Variants in RSPH1 observed in about 807,000 individuals in gnomAD.
RSPH1 encodes the protein radial spoke head component 1, also known as radial spoke head 1 homolog.
A neutral mutation model predicts 44.2 loss-of-function variants in RSPH1; 32 were observed. The ratio of observed to expected loss-of-function variants is 0.72; its 90% confidence interval spans 0.55 to 0.97. RSPH1 has a LOEUF of 0.97. Ranked by LOEUF, RSPH1 falls within the 50% of genes least tolerant of loss-of-function variation. The probability of loss-of-function intolerance (pLI) is 0.00; values close to 1 mark genes in which losing one functional copy is unlikely to be tolerated. For synonymous variants in RSPH1, 134 were observed against 147.3 expected (o/e 0.91, Z 0.65); for missense variants, 391 against 398.7 (o/e 0.98, Z 0.16).
chr21:42,477,428 T>A lies in RSPH1; in HGVS notation c.590A>T (p.Glu197Val). Residue 197 changes from glutamate to valine, a missense_variant, in exon 7 of 9, where the codon GAA (glutamate) becomes GTA (valine). Transcript: ENST00000291536. ...AACAGTTACTAATTCTTCCTCCTCT[T>A]CCTCTTCTCCTCTTTCCTATTTTAA... ...RLTDMERGEE[E>V]EEEELVTVVP... is the part of the protein sequence containing the mutation. The A allele has an allele frequency of 1.2e-6, 2 of 1,614,010 alleles. No homozygotes were observed. Among genetic ancestry groups the A allele is most frequent in the Non-Finnish European group, 8.5e-7 (1 of 1,179,882 alleles).
rs373199366 is a variant in RSPH1, at chr21:42,475,867, C to T, written c.877+31G>A. On this transcript the variant is annotated intron_variant, in intron 8 of 8. Transcript: ENST00000291536. ...TGTTCGTGGCCCCTAAGTGCGGGCCCTCGCCCCACTTCCCTGCGCAGGGAC... is the reference window on the plus strand; with the variant it reads ...TGTTCGTGGCCCCTAAGTGCGGGCCTTCGCCCCACTTCCCTGCGCAGGGAC... 6 of 1,606,334 alleles carry T rather than the reference C, an allele frequency of 3.7e-6. No individual in the cohort carries two copies. In the African/African-American group the frequency reaches 4.1e-5, roughly 11 times the overall value.
chr21:42,475,931 C>T lies in RSPH1; in HGVS notation c.844G>A (p.Asp282Asn), dbSNP rs1481547034. 9 of 1,611,730 alleles carry T rather than the reference C, an allele frequency of 5.6e-6. No individual in the cohort carries two copies. Among genetic ancestry groups the T allele is most frequent in the Non-Finnish European group, 7.6e-6 (9 of 1,179,586 alleles). ...DVLREESREY[D>N]QEEFRYDMDE... is the part of the protein sequence containing the mutation. ...ATGTCATAGCGGAACTCCTCCTGGTCATACTCCCGGCTCTCTTCCCGGAGG... is the reference window on the plus strand; with the variant it reads ...ATGTCATAGCGGAACTCCTCCTGGTTATACTCCCGGCTCTCTTCCCGGAGG... Residue 282 changes from aspartate to asparagine, a missense_variant, in exon 8 of 9, where the codon GAC becomes AAC. Transcript: ENST00000291536.
rs2839531 is a variant in RSPH1 at position 42,472,531 on chromosome 21, T to C, written c.*287A>G. ...AAAGACGTTTATTTGCATTTGTCAATCAACTTAACATACAGCTGAGAAAGA... is the reference window on the plus strand; with the variant it reads ...AAAGACGTTTATTTGCATTTGTCAACCAACTTAACATACAGCTGAGAAAGA... On this transcript the variant is annotated 3_prime_UTR_variant, in exon 9 of 9. Transcript: ENST00000291536. 225,938 of 249,842 alleles carry C rather than the reference T, an allele frequency of 0.9. 102,735 individuals are homozygous for C. Among genetic ancestry groups the C allele is most frequent in the South Asian group, 0.97 (7,174 of 7,414 alleles). 15.5% of individuals were successfully genotyped at this position (249,842 alleles called of 1,614,324 possible).
intron 4 of RSPH1, 54 bp from the exon 5 acceptor site, chr21:42,485,858 C>T: frequency 6.2e-7 from 1 of 1,610,258 alleles, no homozygotes; most frequent in Non-Finnish European, 8.5e-7. Context: ...GAAAAATCTC[C>T]CAGGTTTAAA....
intron 5 of RSPH1, among the ~76,000 whole-genome samples, chr21:42,483,046 T>C (rs976697887): frequency 3.3e-5 from 5 of 152,198 alleles, no homozygotes; most frequent in African/African-American, 4.8e-5. Context: ...CTAGTATACA[T>C]GGTTAAATAA....
chr21:42,486,083 T>C (rs2054177618), intron 4 of RSPH1: 1 of 576,426 alleles, frequency 1.7e-6, no homozygotes, highest in African/African-American at 1.9e-5. Context: ...GTGGGAGCTG[T>C]GGCTCAGGTC....
At chr21:42,490,198 G>A (rs781572307) in intron 3 of RSPH1, among the ~76,000 whole-genome samples, 8 of 145,974 alleles carry the variant, frequency 5.5e-5, no homozygotes, top group South Asian at 2.3e-4. Context: ...ACCCAGGACC[G>A]TCTCCCCACT....
At chr21:42,476,559 A>C (rs1032129996) in intron 7 of RSPH1, among the ~76,000 whole-genome samples, 1 of 152,108 alleles carries the variant, frequency 6.6e-6, no homozygotes, top group Non-Finnish European at 1.5e-5. Context: ...TCCCCAGCAC[A>C]TTAAGGACTT....
At chr21:42,478,430 G>A (rs941724098) in intron 6 of RSPH1, among the ~76,000 whole-genome samples, 1 of 152,238 alleles carries the variant, frequency 6.6e-6, no homozygotes. Flanking sequence ...AGCATTAAAA[G>A]ACAGATTGCT....
At chr21:42,476,966 C>T (rs1369074160) in intron 7 of RSPH1, among the ~76,000 whole-genome samples, 1 of 151,832 alleles carries the variant, frequency 6.6e-6, no homozygotes. Flanking sequence ...CCCTCCATCC[C>T]ACAGCCTGGG....
chr21:42,479,129 C>T (rs971861522), intron 6 of RSPH1, among the ~76,000 whole-genome samples: 2 of 152,158 alleles, frequency 1.3e-5, no homozygotes, highest in Non-Finnish European at 2.9e-5. Context: ...TATAAACGTA[C>T]ATATAAAACC....
chr21:42,477,562 T>A, intron 6 of RSPH1, 118 bp from the exon 7 acceptor site: 1 of 987,434 alleles, frequency 1.0e-6, no homozygotes, highest in Non-Finnish European at 1.5e-6. Context: ...TGTTTCAGCC[T>A]TTTTAGGACG....
At chr21:42,485,294 A>C (rs1197251986) in intron 5 of RSPH1, 2 of 180,742 alleles carry the variant, frequency 1.1e-5, no homozygotes, top group Admixed American at 1.1e-4. Context: ...TTCCAGGGAA[A>C]CAAAACCCAA....
chr21:42,482,146 T>C lies in RSPH1; in HGVS notation c.573+491A>G, dbSNP rs147275449. ...TCGCCCAGGCTGGAGTGCAGTGGCG[T>C]GATCTTGGCTCACTGCAAACTCCGC... On this transcript the variant is annotated intron_variant, in intron 6 of 8. Coordinates refer to ENST00000291536, the MANE Select transcript of RSPH1 (RefSeq NM_080860.4). 3.8e-3 allele frequency among the ~76,000 whole-genome samples: 578 copies of C among 152,318 alleles called. 3 individuals are homozygous for C. The highest frequency in any genetic ancestry group is 0.014 in the African/African-American group (563 of 41,560).
intron 4 of RSPH1, 41 bp downstream of exon 4, chr21:42,486,330 A>T: frequency 7.3e-7 from 1 of 1,369,612 alleles, no homozygotes; most frequent in Non-Finnish European, 1.0e-6. Context: ...TGTTCTCATT[A>T]CATAAGCAAA....
At chr21:42,476,998 CA>C (rs1790620105) in intron 7 of RSPH1, among the ~76,000 whole-genome samples, 1 of 102,070 alleles carries the variant, frequency 9.8e-6, no homozygotes, top group Non-Finnish European at 2.0e-5. Flanking sequence ...CCCTCTGTCC[CA>C]CAGCCCGGGG....
Position 42,485,676 on chromosome 21 carries a change from T to C in RSPH1, c.494A>G (p.Asn165Ser). 6.2e-7 allele frequency: 1 copy of C among 1,614,242 alleles called. No homozygotes were observed. The highest frequency in any genetic ancestry group is 8.5e-7 in the Non-Finnish European group (1 of 1,180,038). ...CACTTCCCATGGACTTACATTTTTGTTCAAGAACTTGCCCTGGTACCTGTG... is the reference window on the plus strand; with the variant it reads ...CACTTCCCATGGACTTACATTTTTGCTCAAGAACTTGCCCTGGTACCTGTG... ...LNHRYQGKFL[N>S]KNPVGPGKYV... The change falls in exon 5 of 9, where the codon AAC (asparagine) becomes AGC (serine). Residue 165 changes from asparagine to serine, a missense_variant. Physicochemically the swap from Asn to Ser is conservative, Grantham distance 46. Transcript: ENST00000291536.
Position 42,485,719 on chromosome 21 carries a change from C to T in RSPH1, c.451G>A (p.Glu151Lys), listed in dbSNP as rs767070148. The change falls in exon 5 of 9, where the codon GAG (glutamate) becomes AAG (lysine). Residue 151 changes from glutamate to lysine, a missense_variant. Transcript: ENST00000291536. ...WVNGQQEGTAELIHLNHRYQG... is the reference protein window; with the variant it reads ...WVNGQQEGTAKLIHLNHRYQG... ...TACCTGTGGTTCAGGTGAATGAGCT[C>T]GGCCGTGCCCTCCTGCTGTCCGTTC... The T allele has an allele frequency of 8.1e-6, 13 of 1,614,096 alleles. No individual in the cohort carries two copies. Among genetic ancestry groups the T allele is most frequent in the South Asian group, 4.4e-5 (4 of 91,090 alleles).
At chr21:42,478,117 T>C (rs2054088823) in intron 6 of RSPH1, among the ~76,000 whole-genome samples, 2 of 152,232 alleles carry the variant, frequency 1.3e-5, no homozygotes, top group Admixed American at 1.3e-4. Context: ...ATTCCGACAA[T>C]GGTGAGCAGC....
Sources: allele counts gnomAD v4.1 joint callset (sites outside exome capture counted in the v4.1 genomes callset), GRCh38; gene constraint gnomAD v4.1.1; transcripts MANE v1.5; gene names NCBI Gene and HGNC (gene_info 2026-07-23, HGNC 2026-07-21).